ATP10D: variants seen among roughly 807,000 people sequenced by gnomAD.
ATP10D encodes ATPase phospholipid transporting 10D (putative).
In ATP10D, 89 loss-of-function variants were observed where a neutral mutation model predicts 144.8. The ratio of observed to expected loss-of-function variants is 0.61; its 90% confidence interval spans 0.52 to 0.73. The LOEUF (loss-of-function observed/expected upper bound fraction) is 0.73. ATP10D is among the 30% of genes least tolerant of loss of function. The probability of loss-of-function intolerance (pLI) is 0.00; values close to 1 mark genes in which losing one functional copy is unlikely to be tolerated. For missense variants in ATP10D, 1,603 were observed against 1,714.8 expected (o/e 0.93, Z 1.15); for synonymous variants, 571 against 615.1 (o/e 0.93, Z 1.06).
At position 47,587,012 on chromosome 4, in the gene ATP10D, C is replaced by T; in HGVS notation, c.3754-7C>T. On this transcript the variant is annotated splice_polypyrimidine_tract_variant and splice_region_variant and intron_variant, in intron 21 of 22. Transcript: ENST00000273859. ...CATTCATTTCCTCTGCTCTTCTTGT[C>T]TTACAGACTTGGATTCACTTGCTGG... 6.2e-7 allele frequency: 1 copy of T among 1,613,180 alleles called. No individual in the cohort carries two copies.
intron 2 of ATP10D, among the ~76,000 whole-genome samples, chr4:47,514,194 T>C (rs1391102110): frequency 6.6e-6 from 1 of 152,258 alleles, no homozygotes; most frequent in Non-Finnish European, 1.5e-5. Context: ...TCATTCATTC[T>C]ATATATGTTC....
chr4:47,550,817 G>A (rs191903862), intron 10 of ATP10D, among the ~76,000 whole-genome samples: 23 of 152,322 alleles, frequency 1.5e-4, no homozygotes, highest in Middle Eastern at 3.4e-3. Context: ...TGCCAGATCC[G>A]CAGGGGTGGA....
At chr4:47,520,839 T>A (rs1716910358) in intron 3 of ATP10D, among the ~76,000 whole-genome samples, 2 of 152,174 alleles carry the variant, frequency 1.3e-5, no homozygotes, top group South Asian at 4.1e-4. Flanking sequence ...AGTGCTGGGA[T>A]TACTGGCATG....
intron 1 of ATP10D, among the ~76,000 whole-genome samples, chr4:47,500,399 G>A (rs1715621722): frequency 6.6e-6 from 1 of 152,226 alleles, no homozygotes; most frequent in African/African-American, 2.4e-5. Context: ...TTGTGAAATT[G>A]TCAGGATCTA....
chr4:47,581,618 G>A (rs1441555374), intron 20 of ATP10D, among the ~76,000 whole-genome samples: 1 of 152,140 alleles, frequency 6.6e-6, no homozygotes, highest in East Asian at 1.9e-4. Flanking sequence ...ATTTTCCTAG[G>A]AAAGATAGTT....
chr4:47,576,566 G>T (rs1720253086), intron 18 of ATP10D, among the ~76,000 whole-genome samples: 5 of 152,128 alleles, frequency 3.3e-5, no homozygotes, highest in Admixed American at 2.6e-4. Flanking sequence ...AATAAGTGGG[G>T]TGTGAGTGTG....
At position 47,527,355 on chromosome 4, in the gene ATP10D, A is replaced by G. The variant is rs879580358; in HGVS notation, c.776+1713A>G. 3.3e-5 allele frequency among the ~76,000 whole-genome samples: 5 copies of G among 151,966 alleles called. No individual in the cohort carries two copies. In the East Asian group the frequency reaches 9.7e-4, roughly 29 times the overall value. On this transcript the variant is annotated intron_variant, in intron 5 of 22. Transcript: ENST00000273859. ...CATCTACAGTTATGAAAACTTTCAGAAAAAAAATGGTGGAAATCTTTTTAC... is the reference window on the plus strand; with the variant it reads ...CATCTACAGTTATGAAAACTTTCAGGAAAAAAATGGTGGAAATCTTTTTAC...
Position 47,591,462 on chromosome 4 carries a change from T to A in ATP10D, c.*81T>A. 8.0e-7 allele frequency: 1 copy of A among 1,252,094 alleles called. No individual in the cohort carries two copies. Among genetic ancestry groups the A allele is most frequent in the Non-Finnish European group, 1.1e-6 (1 of 904,974 alleles). 77.6% of individuals were successfully genotyped at this position (1,252,094 alleles called of 1,614,324 possible). ...AGGTATCTCTCCAAGCAAGAATGAC[T>A]TGTTTTTCCATAAGGGACATGAGCA... is the stretch of plus-strand genomic sequence containing the variant. On this transcript the variant is annotated 3_prime_UTR_variant, in exon 23 of 23. Transcript: ENST00000273859.
chr4:47,586,686 A>G (rs1720807293), intron 21 of ATP10D, among the ~76,000 whole-genome samples: 1 of 152,200 alleles, frequency 6.6e-6, no homozygotes. Flanking sequence ...TTTCCAGTTA[A>G]CAAGGAAACA....
chr4:47,516,524 A>G (rs1278907245), intron 3 of ATP10D, among the ~76,000 whole-genome samples: 1 of 152,234 alleles, frequency 6.6e-6, no homozygotes, highest in Non-Finnish European at 1.5e-5. Flanking sequence ...ATAGACAAAT[A>G]TAACTTGTCT....
Position 47,512,494 on chromosome 4 carries a change from T to G in ATP10D, c.-37-10T>G, listed in dbSNP as rs767867699. Reference sequence around the variant, plus strand: ...AGCTCATGGAAGTGTGGTTTTTGTTTGTTTGCCAGGTCAGCTACACAACCT... The same window carrying G: ...AGCTCATGGAAGTGTGGTTTTTGTTGGTTTGCCAGGTCAGCTACACAACCT... On this transcript the variant is annotated splice_polypyrimidine_tract_variant and intron_variant, in intron 1 of 22. Coordinates refer to ENST00000273859, the MANE Select transcript of ATP10D (RefSeq NM_020453.4). 1 of 1,529,578 alleles carries G rather than the reference T, an allele frequency of 6.5e-7. No homozygotes were observed. The highest frequency in any genetic ancestry group is 8.8e-7 in the Non-Finnish European group (1 of 1,130,646). The allele number at this position is 1,529,578 out of a possible 1,614,324, so 94.8% of individuals were successfully genotyped here.
At chr4:47,497,584 G>T (rs1715455567) in intron 1 of ATP10D, among the ~76,000 whole-genome samples, 1 of 152,118 alleles carries the variant, frequency 6.6e-6, no homozygotes, top group African/African-American at 2.4e-5. Flanking sequence ...ATCTGTAGAA[G>T]TCTTAGCTTA....
intron 14 of ATP10D, among the ~76,000 whole-genome samples, 195 bp from the exon 15 acceptor site, chr4:47,563,386 C>T (rs1348194309): frequency 6.6e-6 from 1 of 152,152 alleles, no homozygotes; most frequent in Non-Finnish European, 1.5e-5. Flanking sequence ...ATCCCTGAGG[C>T]TTCCTTCCCA....
chr4:47,549,975 G>A (rs1363183364), intron 10 of ATP10D, among the ~76,000 whole-genome samples: 2 of 147,552 alleles, frequency 1.4e-5, no homozygotes, highest in African/African-American at 5.0e-5. Flanking sequence ...TTTCAGGACT[G>A]TGTTGTTTAG....
intron 1 of ATP10D, among the ~76,000 whole-genome samples, chr4:47,507,703 T>C (rs571325564): frequency 6.6e-6 from 1 of 152,314 alleles, no homozygotes; most frequent in Non-Finnish European, 1.5e-5. Context: ...AGAGAGGAAT[T>C]AGGTATGTTC....
chr4:47,503,125 C>G (rs759054614), intron 1 of ATP10D, among the ~76,000 whole-genome samples: 10 of 152,170 alleles, frequency 6.6e-5, no homozygotes, highest in Non-Finnish European at 1.3e-4. Context: ...TCACTTGAAC[C>G]TGGGAGGCAG....
At chr4:47,508,823 C>A in intron 1 of ATP10D, among the ~76,000 whole-genome samples, 1 of 152,162 alleles carries the variant, frequency 6.6e-6, no homozygotes, top group East Asian at 1.9e-4. Context: ...TGCTTGCCGA[C>A]ACTCTGATAC....
chr4:47,541,829 C>T lies in ATP10D; in HGVS notation c.1397-4795C>T, dbSNP rs73237092. 9.1e-3 allele frequency among the ~76,000 whole-genome samples: 1,377 copies of T among 152,068 alleles called. 10 individuals are homozygous for T. Among genetic ancestry groups the T allele is most frequent in the Middle Eastern group, 0.024 (7 of 294 alleles). On this transcript the variant is annotated intron_variant, in intron 9 of 22. Coordinates refer to ENST00000273859, the MANE Select transcript of ATP10D (RefSeq NM_020453.4). ...AGGGGAATGGGAAGAAAAGACAGAT[C>T]GGGGATTAAATAATGAAGAGAAATA... is the stretch of plus-strand genomic sequence containing the variant.
chr4:47,572,063 T>G lies in ATP10D; in HGVS notation c.3164-91T>G, dbSNP rs185820121. The G allele has an allele frequency of 1.4e-4, 154 of 1,139,326 alleles. 2 individuals are homozygous for G. In the East Asian group the frequency reaches 3.7e-3, roughly 27 times the overall value. 70.6% of individuals were successfully genotyped at this position (1,139,326 alleles called of 1,614,324 possible). ...CGGGATGAACTTTGAAGGATTTATT[T>G]GTTCACTTGAGCTGCCCCTATTGAT... On this transcript the variant is annotated intron_variant, in intron 16 of 22. Transcript: ENST00000273859.
Sources: gnomAD v4.1 joint callset for allele counts (sites outside exome capture counted in the v4.1 genomes callset) on GRCh38, gnomAD v4.1.1 for gene constraint, MANE v1.5 for transcripts, NCBI Gene and HGNC (gene_info 2026-07-23, HGNC 2026-07-21) for gene names.